Variants in FOXJ3 observed in about 807,000 individuals in gnomAD.
FOXJ3 encodes the protein forkhead box J3, also known as forkhead box protein J3.
A neutral mutation model predicts 76.1 loss-of-function variants in FOXJ3; 22 were observed. The observed-to-expected ratio is 0.29, with a 90% confidence interval of 0.21 to 0.41. The LOEUF (loss-of-function observed/expected upper bound fraction) is 0.41, where lower values mean the gene tolerates loss of function less well. Ranked by LOEUF, FOXJ3 falls within the 10% of genes least tolerant of loss-of-function variation. The probability of loss-of-function intolerance (pLI) is 1.00; values close to 1 mark genes in which losing one functional copy is unlikely to be tolerated. For synonymous variants in FOXJ3, 269 were observed against 261.2 expected (o/e 1.03, Z -0.29); for missense variants, 613 against 762.1 (o/e 0.80, Z 2.30).
chr1:42,298,345 T>A (rs1376726075), intron 2 of FOXJ3, among the ~76,000 whole-genome samples: 1 of 152,214 alleles, frequency 6.6e-6, no homozygotes. Flanking sequence ...TTGAATTTTG[T>A]TACTTGTTAT....
At chr1:42,205,631 C>T (rs552659647) in intron 6 of FOXJ3, 131 bp downstream of exon 6, 12 of 615,846 alleles carry the variant, frequency 1.9e-5, no homozygotes, top group Non-Finnish European at 3.5e-5. Context: ...AGCCTTCAAG[C>T]TACCATGCAT....
chr1:42,320,622 G>A (rs1015648100), intron 1 of FOXJ3, among the ~76,000 whole-genome samples: 13 of 152,070 alleles, frequency 8.5e-5, no homozygotes, highest in Admixed American at 7.9e-4. Context: ...GAAATTAGAG[G>A]TATACGATAT....
At chr1:42,210,723 A>G (rs1221510241) in intron 5 of FOXJ3, among the ~76,000 whole-genome samples, 1 of 152,142 alleles carries the variant, frequency 6.6e-6, no homozygotes, top group Non-Finnish European at 1.5e-5. Context: ...AGGAAATCTC[A>G]TAGTCTACAT....
intron 3 of FOXJ3, among the ~76,000 whole-genome samples, chr1:42,268,514 T>C (rs1188719431): frequency 1.3e-5 from 2 of 151,772 alleles, no homozygotes; most frequent in Admixed American, 6.6e-5. Flanking sequence ...AAAATGAAGG[T>C]AGATTTAATG....
chr1:42,280,473 A>G (rs914278818), intron 2 of FOXJ3: 1 of 920,168 alleles, frequency 1.1e-6, no homozygotes, highest in Admixed American at 6.6e-5. Context: ...AAAACTTACT[A>G]TCCTACTCTA....
At chr1:42,302,937 G>A (rs916691368) in intron 2 of FOXJ3, among the ~76,000 whole-genome samples, 1 of 148,732 alleles carries the variant, frequency 6.7e-6, no homozygotes. Context: ...GCTAACAAAA[G>A]AGCAAAATAT....
At chr1:42,245,245 A>G (rs902853326) in intron 4 of FOXJ3, among the ~76,000 whole-genome samples, 6 of 152,030 alleles carry the variant, frequency 3.9e-5, no homozygotes, top group African/African-American at 1.2e-4. Flanking sequence ...AATTCTGCCA[A>G]ACTTATAAAG....
At chr1:42,209,957 T>C (rs544983082) in intron 5 of FOXJ3, among the ~76,000 whole-genome samples, 7 of 152,304 alleles carry the variant, frequency 4.6e-5, no homozygotes, top group African/African-American at 7.2e-5. Context: ...TGGAGGGATA[T>C]GGCCTGAAAA....
intron 9 of FOXJ3, among the ~76,000 whole-genome samples, chr1:42,190,986 G>C (rs1280611834): frequency 3.3e-5 from 5 of 152,016 alleles, no homozygotes; most frequent in Non-Finnish European, 7.4e-5. Context: ...TCTTTTAGTT[G>C]CACTTTTCCT....
intron 2 of FOXJ3, among the ~76,000 whole-genome samples, chr1:42,292,555 T>C (rs947153918): frequency 6.6e-6 from 1 of 152,148 alleles, no homozygotes; most frequent in African/African-American, 2.4e-5. Flanking sequence ...AGAATACATA[T>C]TGTATGATAC....
chr1:42,279,953 G>A (rs780315525), intron 2 of FOXJ3, among the ~76,000 whole-genome samples: 1 of 151,964 alleles, frequency 6.6e-6, no homozygotes, highest in African/African-American at 2.4e-5. Flanking sequence ...GAACAACTTG[G>A]CGGCAACAGA....
chr1:42,290,920 G>A (rs1653374435), intron 2 of FOXJ3, among the ~76,000 whole-genome samples: 3 of 152,074 alleles, frequency 2.0e-5, no homozygotes, highest in Admixed American at 6.6e-5. Context: ...AAAGCATAAA[G>A]GACTTAGACC....
rs983234505 is a variant in FOXJ3, at chr1:42,234,174, C to G, written c.445-6208G>C. ...TGATCTTCCATCACTGATACCCTTT[C>G]TTCCAGTTAATCAAATTGGCTACTG... On this transcript the variant is annotated intron_variant, in intron 4 of 12. Transcript: ENST00000361346. Among the ~76,000 whole-genome samples, 12 of 152,296 alleles carry G rather than the reference C, an allele frequency of 7.9e-5. No homozygotes were observed. The East Asian group carries it at 2.3e-3, about 29-fold the overall frequency.
intron 4 of FOXJ3, among the ~76,000 whole-genome samples, chr1:42,249,677 G>A (rs929596691): frequency 6.6e-6 from 1 of 152,146 alleles, no homozygotes; most frequent in African/African-American, 2.4e-5. Flanking sequence ...CATTTATTAG[G>A]CATCTACTGT....
rs191081597 is a variant in FOXJ3 at position 42,328,034 on chromosome 1, C to T, written c.-18+7025G>A. 7.9e-5 allele frequency among the ~76,000 whole-genome samples: 12 copies of T among 152,266 alleles called. No homozygotes were observed. The South Asian group carries it at 1.5e-3, about 18-fold the overall frequency. Reference sequence around the variant, plus strand: ...CACCCAGGCCAGGCCTGGTGGCTCACGCCTGCAATCCCAGCACTTTGGGGG... The same window carrying T: ...CACCCAGGCCAGGCCTGGTGGCTCATGCCTGCAATCCCAGCACTTTGGGGG... On this transcript the variant is annotated intron_variant, in intron 1 of 12. Coordinates refer to ENST00000361346, the MANE Select transcript of FOXJ3 (RefSeq NM_014947.5).
chr1:42,241,759 T>A (rs1036373521), intron 4 of FOXJ3, among the ~76,000 whole-genome samples: 1 of 152,208 alleles, frequency 6.6e-6, no homozygotes, highest in Non-Finnish European at 1.5e-5. Flanking sequence ...ACACACCACC[T>A]GTACAGCCCA....
At chr1:42,256,525 TACCACTTCACACCTTC>T (rs1418508453) in intron 4 of FOXJ3, among the ~76,000 whole-genome samples, 1 of 69,532 alleles carries the variant, frequency 1.4e-5, no homozygotes, top group East Asian at 4.5e-4. Context: ...CATGATGAAA[TACCACTTCACACCTTC>T]ACACCCAGTA....
intron 5 of FOXJ3, among the ~76,000 whole-genome samples, chr1:42,219,150 A>T (rs1444925652): frequency 6.6e-6 from 1 of 152,192 alleles, no homozygotes; most frequent in Non-Finnish European, 1.5e-5. Flanking sequence ...TAAAGAAAAA[A>T]ATTCCCAAAA....
At chr1:42,307,657 T>C (rs1175686330) in intron 2 of FOXJ3, among the ~76,000 whole-genome samples, 1 of 152,210 alleles carries the variant, frequency 6.6e-6, no homozygotes, top group Admixed American at 6.5e-5. Flanking sequence ...ATTCTACCTA[T>C]ACCAGCAAGT....
Sources: allele counts gnomAD v4.1 joint callset (sites outside exome capture counted in the v4.1 genomes callset), GRCh38; gene constraint gnomAD v4.1.1; transcripts MANE v1.5; gene names NCBI Gene and HGNC (gene_info 2026-07-23, HGNC 2026-07-21).